Variants in TMC1 observed in about 807,000 individuals in gnomAD.
TMC1 encodes the protein transmembrane channel like 1, also known as transmembrane channel-like protein 1.
In TMC1, 84 loss-of-function variants were observed where a neutral mutation model predicts 105.8. That is an observed-to-expected ratio of 0.79 (90% CI 0.67 to 0.95). The LOEUF is 0.95. Among genes scored for constraint, TMC1 ranks in the 40% least tolerant of loss-of-function variants. The pLI is 0.00. For missense variants in TMC1, 817 were observed against 914.1 expected (o/e 0.89, Z 1.37); for synonymous variants, 315 against 311.5 (o/e 1.01, Z -0.12).
chr9:72,606,994 T>TAGAGAGAG (rs1406616090), intron 2 of TMC1, among the ~76,000 whole-genome samples: 37 of 87,560 alleles, frequency 4.2e-4, no homozygotes, highest in Non-Finnish European at 7.1e-4. Flanking sequence ...TATATATATA[T>TAGAGAGAG]ATATATATAG....
At chr9:72,798,381 A>G (rs888591261) in intron 17 of TMC1, among the ~76,000 whole-genome samples, 5 of 151,972 alleles carry the variant, frequency 3.3e-5, no homozygotes, top group African/African-American at 1.2e-4. Flanking sequence ...ACCCAGAGGT[A>G]TATAAATCAT....
At chr9:72,725,331 A>G (rs1273169044) in intron 8 of TMC1, among the ~76,000 whole-genome samples, 3,269 of 83,628 alleles carry the variant, frequency 0.039, 132 homozygotes, top group African/African-American at 0.16. Flanking sequence ...GTATGTATAT[A>G]TATATATATA....
chr9:72,664,690 C>T (rs1238287392), intron 5 of TMC1, among the ~76,000 whole-genome samples: 1 of 152,140 alleles, frequency 6.6e-6, no homozygotes, highest in Non-Finnish European at 1.5e-5. Flanking sequence ...GATCATCTCT[C>T]ACTCCATCCC....
intron 1 of TMC1, among the ~76,000 whole-genome samples, chr9:72,573,039 T>C (rs1824314425): frequency 6.6e-6 from 1 of 152,118 alleles, no homozygotes; most frequent in Non-Finnish European, 1.5e-5. Flanking sequence ...GGTTATGAAA[T>C]GCTATCTCAT....
Position 72,789,103 on chromosome 9 carries a change from G to A in TMC1, c.1030-20G>A. On this transcript the variant is annotated intron_variant, in intron 14 of 23. Coordinates refer to ENST00000297784, the MANE Select transcript of TMC1 (RefSeq NM_138691.3). ...TTCTATTTTGGGTTTTTGTTTGTTT[G>A]TTTGTTTTCATGGATACAGGAAGCT... 3 of 1,611,504 alleles carry A rather than the reference G, an allele frequency of 1.9e-6. No homozygotes were observed. The highest frequency in any genetic ancestry group is 1.7e-6 in the Non-Finnish European group (2 of 1,179,456).
intron 1 of TMC1, among the ~76,000 whole-genome samples, chr9:72,556,715 G>A (rs1437399549): frequency 2.0e-5 from 3 of 151,784 alleles, no homozygotes; most frequent in East Asian, 2.0e-4. Flanking sequence ...CCAGCTACTC[G>A]GGAGGCCGAA....
At chr9:72,699,079 G>T (rs1380881120) in intron 7 of TMC1, among the ~76,000 whole-genome samples, 1 of 152,284 alleles carries the variant, frequency 6.6e-6, no homozygotes, top group African/African-American at 2.4e-5. Flanking sequence ...TTAAAGTGTA[G>T]GAGGGTGTGT....
rs961297412 is a variant in TMC1, at chr9:72,648,580, G to A, written c.-52-17G>A. On this transcript the variant is annotated splice_polypyrimidine_tract_variant and intron_variant, in intron 4 of 23. Coordinates refer to ENST00000297784, the MANE Select transcript of TMC1 (RefSeq NM_138691.3). ...GTGCTAGATCAAACCTGAAATATTT[G>A]TTCCTTCATCCTGCAGTCCCTCTCC... is the stretch of plus-strand genomic sequence containing the variant. The A allele has an allele frequency of 7.8e-6, 11 of 1,411,496 alleles. No individual in the cohort carries two copies. The highest frequency in any genetic ancestry group is 2.3e-5 in the South Asian group (2 of 86,918). The allele number at this position is 1,411,496 out of a possible 1,614,324, so 87.4% of individuals were successfully genotyped here.
intron 5 of TMC1, among the ~76,000 whole-genome samples, chr9:72,666,870 GGAAA>G (rs1826052191): frequency 6.7e-6 from 1 of 149,354 alleles, no homozygotes; most frequent in Admixed American, 6.7e-5. Flanking sequence ...GGCAGCATAG[GGAAA>G]TCCCATCTCT....
chr9:72,746,240 T>C (rs933204960), intron 10 of TMC1, among the ~76,000 whole-genome samples: 5 of 152,174 alleles, frequency 3.3e-5, no homozygotes, highest in African/African-American at 1.2e-4. Context: ...TCATCTAATA[T>C]ATATCTTATT....
At chr9:72,762,819 A>G (rs1362644943) in intron 12 of TMC1, among the ~76,000 whole-genome samples, 2 of 152,122 alleles carry the variant, frequency 1.3e-5, no homozygotes, top group African/African-American at 2.4e-5. Context: ...TCTGTCCCTT[A>G]TTTACTTCAC....
intron 2 of TMC1, among the ~76,000 whole-genome samples, chr9:72,588,951 G>C (rs1266257488): frequency 6.6e-6 from 1 of 152,020 alleles, no homozygotes; most frequent in South Asian, 2.1e-4. Flanking sequence ...TGTACTTTTA[G>C]TAGAGACAGG....
chr9:72,653,490 GA>G (rs1006441882), intron 5 of TMC1, among the ~76,000 whole-genome samples: 1 of 152,088 alleles, frequency 6.6e-6, no homozygotes, highest in African/African-American at 2.4e-5. Flanking sequence ...ACAATAAAAA[GA>G]AAAACTGTTG....
chr9:72,637,035 ACTTTGAGTTTTTC>A (rs1384501203), intron 4 of TMC1, among the ~76,000 whole-genome samples: 3 of 151,506 alleles, frequency 2.0e-5, no homozygotes, highest in Non-Finnish European at 2.9e-5. Context: ...GCAGCCTAGA[ACTTTGAGTTTTTC>A]CTTTTTTTTT....
chr9:72,705,284 C>A (rs1826720443), intron 8 of TMC1, among the ~76,000 whole-genome samples: 1 of 152,156 alleles, frequency 6.6e-6, no homozygotes, highest in African/African-American at 2.4e-5. Context: ...CATGACTAAA[C>A]CTAAATAAGC....
At chr9:72,821,818 G>A (rs1286664692) in intron 20 of TMC1, among the ~76,000 whole-genome samples, 1 of 152,138 alleles carries the variant, frequency 6.6e-6, no homozygotes, top group African/African-American at 2.4e-5. Context: ...AAGAGAGAGA[G>A]AGAGACAGAC....
At chr9:72,754,957 G>A (rs993030468) in intron 12 of TMC1, 73 bp downstream of exon 12, 73 of 1,146,922 alleles carry the variant, frequency 6.4e-5, no homozygotes, top group Non-Finnish European at 8.2e-5. Flanking sequence ...TGAAACCCAC[G>A]GCCTCCTCTC....
At chr9:72,695,009 G>T (rs1826524998) in intron 7 of TMC1, among the ~76,000 whole-genome samples, 1 of 152,100 alleles carries the variant, frequency 6.6e-6, no homozygotes. Context: ...CCCACTAATT[G>T]TATGCATTGT....
chr9:72,731,208 G>C (rs1827207520), intron 8 of TMC1, among the ~76,000 whole-genome samples: 1 of 152,216 alleles, frequency 6.6e-6, no homozygotes, highest in Non-Finnish European at 1.5e-5. Flanking sequence ...TATGCCAGGT[G>C]CTATATTAAG....
Sources: allele counts gnomAD v4.1 joint callset (sites outside exome capture counted in the v4.1 genomes callset), GRCh38; gene constraint gnomAD v4.1.1; transcripts MANE v1.5; gene names NCBI Gene and HGNC (gene_info 2026-07-23, HGNC 2026-07-21).